The following ITPR1 variants were observed in gnomAD, a reference collection of about 807,000 sequenced individuals.
ITPR1 encodes inositol 1,4,5-trisphosphate-gated calcium channel ITPR1.
In ITPR1, 96 loss-of-function variants were observed where a neutral mutation model predicts 318.4. The ratio of observed to expected loss-of-function variants is 0.30; its 90% CI spans 0.26 to 0.36. ITPR1 has a LOEUF of 0.36. Ranked by LOEUF, ITPR1 falls within the 10% of genes least tolerant of loss-of-function variation. The pLI is 1.00. For missense variants in ITPR1, 2,440 were observed against 3,460.2 expected, an observed-to-expected ratio of 0.71 and a Z score of 7.40; for synonymous variants, 1,312 against 1,289.9, an observed-to-expected ratio of 1.02 and a Z score of -0.37.
chr3:4,654,697 G>C (rs1461575110), intron 12 of ITPR1, among the ~76,000 whole-genome samples: 1 of 152,002 alleles, frequency 6.6e-6, no homozygotes, highest in African/African-American at 2.4e-5. Flanking sequence ...TTCTTTTTTT[G>C]GCAAGATTTT....
chr3:4,631,450 G>A (rs1487109491), intron 5 of ITPR1, among the ~76,000 whole-genome samples: 2 of 152,120 alleles, frequency 1.3e-5, no homozygotes, highest in Non-Finnish European at 2.9e-5. Context: ...GGCCTGTGAA[G>A]TGTTCTGTTG....
At chr3:4,589,438 G>A (rs1369222697) in intron 4 of ITPR1, among the ~76,000 whole-genome samples, 1 of 152,152 alleles carries the variant, frequency 6.6e-6, no homozygotes, top group African/African-American at 2.4e-5. Context: ...TTAACTGGGA[G>A]CTTTTTAGAA....
In ITPR1 at chr3:4,652,542, C is replaced by T. The variant is rs556794034; in HGVS notation, c.951+324C>T. The stretch of plus-strand genomic sequence containing the variant: ...CCACGTCTTGTCTACCAGCCCCACA[C>T]CTAGCATGAGCGACTGAGGCTGCAG... On this transcript the variant is annotated intron_variant, in intron 11 of 61. Transcript: ENST00000649015. Among the ~76,000 whole-genome samples the T allele has an allele frequency of 1.1e-4, 17 of 152,218 alleles. No homozygotes were observed. In the South Asian group the frequency reaches 3.5e-3, roughly 32 times the overall value.
chr3:4,824,778 C>T (rs1393564792), intron 60 of ITPR1, among the ~76,000 whole-genome samples: 3 of 152,098 alleles, frequency 2.0e-5, no homozygotes, highest in African/African-American at 7.2e-5. Context: ...GAGCTGCTGC[C>T]GCCAGCAACC....
chr3:4,830,033 G>A (rs1316108009), intron 60 of ITPR1, among the ~76,000 whole-genome samples: 2 of 140,262 alleles, frequency 1.4e-5, no homozygotes, highest in African/African-American at 5.2e-5. Flanking sequence ...GAGTGCATTG[G>A]CACCATCTCG....
intron 44 of ITPR1, among the ~76,000 whole-genome samples, chr3:4,737,307 T>A (rs148310005): frequency 1.3e-3 from 192 of 152,176 alleles, no homozygotes; most frequent in African/African-American, 4.5e-3. Flanking sequence ...GAAGTAGAAG[T>A]GATGCCGGGG....
chr3:4,493,755 G>T lies in ITPR1; in HGVS notation c.-93+150G>T, dbSNP rs187781215. ...TCCTTTACTGCGGGCAGTTGTTTTG[G>T]GGGGAGCTCATTTGAAGCTTAAAAA... On this transcript the variant is annotated intron_variant, in intron 1 of 61. Transcript: ENST00000649015. 6 of 152,452 alleles carry T rather than the reference G, an allele frequency of 3.9e-5. No individual in the cohort carries two copies. In the East Asian group the frequency reaches 9.6e-4, roughly 24 times the overall value. The allele number at this position is 152,452 out of a possible 1,614,324, so 9.4% of individuals were successfully genotyped here.
Position 4,846,336 on chromosome 3 carries a change from TA to T in ITPR1, c.*114del. 1 of 677,566 alleles carries T rather than the reference TA, an allele frequency of 1.5e-6. No individual in the cohort carries two copies. The highest frequency in any genetic ancestry group is 2.6e-6 in the Non-Finnish European group (1 of 390,956). The allele number at this position is 677,566 out of a possible 1,614,324, so 42.0% of individuals were successfully genotyped here. On this transcript the variant is annotated 3_prime_UTR_variant, in exon 62 of 62. Coordinates refer to ENST00000649015, the MANE Select transcript of ITPR1 (RefSeq NM_001378452.1). The stretch of plus-strand genomic sequence containing the variant: ...GTTACATTTATGCTGAATACATTTG[TA>T]AATACTCAGTTTTATACTGTATGTA...
intron 52 of ITPR1, among the ~76,000 whole-genome samples, chr3:4,794,404 T>G (rs569566996): frequency 3.3e-5 from 5 of 152,224 alleles, no homozygotes; most frequent in Non-Finnish European, 5.9e-5. Context: ...GGAACTCTGC[T>G]GCTGACCACG....
chr3:4,523,692 G>C (rs1330643619), intron 4 of ITPR1, among the ~76,000 whole-genome samples: 3 of 152,032 alleles, frequency 2.0e-5, no homozygotes, highest in Non-Finnish European at 4.4e-5. Flanking sequence ...TCTGTGCCTG[G>C]CTTATTTCAC....
At chr3:4,566,110 T>C (rs1221271369) in intron 4 of ITPR1, among the ~76,000 whole-genome samples, 1 of 152,132 alleles carries the variant, frequency 6.6e-6, no homozygotes, top group African/African-American at 2.4e-5. Flanking sequence ...ATGTTGGAGA[T>C]GGAGAGGAGA....
intron 33 of ITPR1, among the ~76,000 whole-genome samples, chr3:4,696,673 G>A (rs947841643): frequency 1.3e-3 from 151 of 117,218 alleles, no homozygotes; most frequent in African/African-American, 4.5e-3. Context: ...CTTGCCGTGT[G>A]TTTTTTTTTT....
chr3:4,796,379 A>G (rs1406350384), intron 53 of ITPR1, among the ~76,000 whole-genome samples: 2 of 151,928 alleles, frequency 1.3e-5, no homozygotes, highest in Admixed American at 1.3e-4. Context: ...CCAGAGCTGC[A>G]AGGTTTTCTC....
intron 43 of ITPR1, among the ~76,000 whole-genome samples, chr3:4,733,586 G>A (rs980095414): frequency 1.3e-5 from 2 of 152,152 alleles, no homozygotes; most frequent in Non-Finnish European, 2.9e-5. Context: ...GATAGTGAAA[G>A]CTGCCATTTA....
chr3:4,763,122 G>A (rs1234388256), intron 44 of ITPR1, among the ~76,000 whole-genome samples: 1 of 152,154 alleles, frequency 6.6e-6, no homozygotes, highest in Non-Finnish European at 1.5e-5. Context: ...AACACCACAT[G>A]TTCTCATTTA....
At chr3:4,819,010 C>T (rs919550600) in intron 60 of ITPR1, among the ~76,000 whole-genome samples, 1 of 152,198 alleles carries the variant, frequency 6.6e-6, no homozygotes, top group African/African-American at 2.4e-5. Flanking sequence ...CGCTGGCTGC[C>T]TCTGAGGAGA....
intron 34 of ITPR1, 76 bp downstream of exon 34, chr3:4,697,348 G>GTC: frequency 7.1e-7 from 1 of 1,398,616 alleles, no homozygotes; most frequent in Non-Finnish European, 9.7e-7. Context: ...GTGTGTGTGT[G>GTC]TGTGTAGCAT....
chr3:4,607,784 A>G (rs2091805257), intron 4 of ITPR1, among the ~76,000 whole-genome samples: 1 of 152,136 alleles, frequency 6.6e-6, no homozygotes, highest in Admixed American at 6.5e-5. Context: ...GGTGGAGGCC[A>G]TCAGTAGTCA....
chr3:4,794,497 G>A (rs1030543826), intron 52 of ITPR1, among the ~76,000 whole-genome samples: 7 of 152,174 alleles, frequency 4.6e-5, no homozygotes, highest in African/African-American at 1.2e-4. Context: ...ACTCAATGCC[G>A]GGAAAGGAAT....
Sources: allele counts gnomAD v4.1 joint callset (sites outside exome capture counted in the v4.1 genomes callset), GRCh38; gene constraint gnomAD v4.1.1; transcripts MANE v1.5; gene names NCBI Gene and HGNC (gene_info 2026-07-23, HGNC 2026-07-21).